The following KCTD8 variants were observed in gnomAD, a reference collection of about 807,000 sequenced individuals.
KCTD8 encodes BTB/POZ domain-containing protein KCTD8.
A neutral mutation model predicts 31.5 loss-of-function variants in KCTD8; 27 were observed. The ratio of observed to expected loss-of-function variants is 0.86; its 90% CI spans 0.63 to 1.18. The LOEUF is 1.18. KCTD8 is among the 50% of genes most tolerant of loss of function. The probability of loss-of-function intolerance (pLI) is 0.00; values close to 1 mark genes in which losing one functional copy is unlikely to be tolerated. For synonymous variants in KCTD8, 290 were observed against 280.0 expected (o/e 1.04, Z -0.36); for missense variants, 658 against 647.7 (o/e 1.02, Z -0.17).
intron 1 of KCTD8, among the ~76,000 whole-genome samples, chr4:44,309,324 C>T (rs1463031464): frequency 6.6e-6 from 1 of 152,050 alleles, no homozygotes; most frequent in Non-Finnish European, 1.5e-5. Flanking sequence ...CAGACATGAG[C>T]CACTGTGCTC....
chr4:44,378,467 A>C (rs952834193), intron 1 of KCTD8, among the ~76,000 whole-genome samples: 1 of 151,812 alleles, frequency 6.6e-6, no homozygotes, highest in Non-Finnish European at 1.5e-5. Flanking sequence ...GATAAAAATA[A>C]ATAAATAAAT....
intron 1 of KCTD8, among the ~76,000 whole-genome samples, chr4:44,226,441 T>C (rs7698583): frequency 0.23 from 35,505 of 152,128 alleles, 4,293 homozygotes; most frequent in South Asian, 0.32. Flanking sequence ...TGGTCTATCA[T>C]TGATGGTCAT....
At chr4:44,371,752 TA>T (rs1719792344) in intron 1 of KCTD8, among the ~76,000 whole-genome samples, 1 of 152,208 alleles carries the variant, frequency 6.6e-6, no homozygotes, top group Non-Finnish European at 1.5e-5. Flanking sequence ...ATCTACATTG[TA>T]AAATAGATGA....
intron 1 of KCTD8, among the ~76,000 whole-genome samples, chr4:44,400,628 C>T (rs1720624112): frequency 6.7e-6 from 1 of 149,790 alleles, no homozygotes; most frequent in Admixed American, 6.8e-5. Context: ...ACTCAGGAGG[C>T]TGAGGCAGTA....
At chr4:44,375,370 G>A (rs1719892624) in intron 1 of KCTD8, among the ~76,000 whole-genome samples, 2 of 152,188 alleles carry the variant, frequency 1.3e-5, no homozygotes, top group South Asian at 4.2e-4. Flanking sequence ...TACAAATGAA[G>A]GAAGATAAAT....
At chr4:44,341,435 G>A (rs2109418745) in intron 1 of KCTD8, among the ~76,000 whole-genome samples, 1 of 152,298 alleles carries the variant, frequency 6.6e-6, no homozygotes, top group Admixed American at 6.5e-5. Context: ...GATGTCACTT[G>A]ACCCACAGTG....
chr4:44,217,147 C>A (rs1714673138), intron 1 of KCTD8, among the ~76,000 whole-genome samples: 1 of 152,140 alleles, frequency 6.6e-6, no homozygotes, highest in Non-Finnish European at 1.5e-5. Flanking sequence ...CCAGGGCTTT[C>A]ATTTGTTGAG....
chr4:44,426,313 C>CA (rs36116210), intron 1 of KCTD8, among the ~76,000 whole-genome samples: 10,336 of 137,758 alleles, frequency 0.075, 442 homozygotes, highest in South Asian at 0.13. Context: ...TCAAACCCAC[C>CA]AAAAAAAATT....
intron 1 of KCTD8, among the ~76,000 whole-genome samples, chr4:44,191,141 T>A (rs561040370): frequency 6.6e-6 from 1 of 152,332 alleles, no homozygotes; most frequent in African/African-American, 2.4e-5. Context: ...TGCCTGTCTT[T>A]ACTGCAATCT....
chr4:44,308,271 T>C (rs947988156), intron 1 of KCTD8, among the ~76,000 whole-genome samples: 2 of 151,796 alleles, frequency 1.3e-5, no homozygotes, highest in South Asian at 4.1e-4. Context: ...AATCATTCAA[T>C]CAATCAATAA....
At chr4:44,275,073 A>G (rs1716714704) in intron 1 of KCTD8, among the ~76,000 whole-genome samples, 1 of 152,014 alleles carries the variant, frequency 6.6e-6, no homozygotes, top group Non-Finnish European at 1.5e-5. Flanking sequence ...AAACGTCTAC[A>G]TATGAGACAG....
At chr4:44,378,866 TG>T (rs1560440137) in intron 1 of KCTD8, among the ~76,000 whole-genome samples, 1 of 152,118 alleles carries the variant, frequency 6.6e-6, no homozygotes, top group Non-Finnish European at 1.5e-5. Context: ...TTATTCTTAG[TG>T]GGCTAAAATC....
intron 1 of KCTD8, among the ~76,000 whole-genome samples, chr4:44,336,348 G>A (rs1051683587): frequency 1.3e-5 from 2 of 151,412 alleles, no homozygotes; most frequent in African/African-American, 4.8e-5. Flanking sequence ...ATTAGAAAAA[G>A]AACATCTTCA....
At chr4:44,411,523 G>T (rs1351358105) in intron 1 of KCTD8, among the ~76,000 whole-genome samples, 1 of 151,974 alleles carries the variant, frequency 6.6e-6, no homozygotes, top group Non-Finnish European at 1.5e-5. Flanking sequence ...ATGAATGTAT[G>T]TTTTTTATGT....
chr4:44,424,851 C>A (rs1341728692), intron 1 of KCTD8, among the ~76,000 whole-genome samples: 1 of 152,038 alleles, frequency 6.6e-6, no homozygotes, highest in Non-Finnish European at 1.5e-5. Flanking sequence ...TTGATATGGA[C>A]TGAATTGAGT....
intron 1 of KCTD8, among the ~76,000 whole-genome samples, chr4:44,320,714 A>C (rs1449413848): frequency 6.6e-6 from 1 of 152,132 alleles, no homozygotes; most frequent in Non-Finnish European, 1.5e-5. Flanking sequence ...GCTGTGTTTT[A>C]ATAAATGAAA....
chr4:44,259,184 CG>C (rs1716088687), intron 1 of KCTD8, among the ~76,000 whole-genome samples: 1 of 151,756 alleles, frequency 6.6e-6, no homozygotes, highest in African/African-American at 2.4e-5. Context: ...TCTTTCCTTT[CG>C]TCTGTTTTGA....
At chr4:44,275,622 T>C (rs1030726661) in intron 1 of KCTD8, among the ~76,000 whole-genome samples, 1 of 152,106 alleles carries the variant, frequency 6.6e-6, no homozygotes, top group Non-Finnish European at 1.5e-5. Flanking sequence ...AAGAATCTAC[T>C]AAACTACAAA....
intron 1 of KCTD8, among the ~76,000 whole-genome samples, chr4:44,397,517 C>T (rs757429757): frequency 5.3e-5 from 8 of 151,940 alleles, no homozygotes; most frequent in Non-Finnish European, 1.0e-4. Flanking sequence ...ACACAAAAGA[C>T]AATAATTAGA....
Sources: gnomAD v4.1 joint callset for allele counts (sites outside exome capture counted in the v4.1 genomes callset) on GRCh38, gnomAD v4.1.1 for gene constraint, MANE v1.5 for transcripts, NCBI Gene and HGNC (gene_info 2026-07-23, HGNC 2026-07-21) for gene names.